RAB30: variants seen among roughly 807,000 people sequenced by gnomAD.
RAB30 encodes the protein ras-related protein Rab-30.
Under a neutral mutation model 25.1 loss-of-function variants are expected in RAB30, and 9 were observed. The observed-to-expected ratio is 0.36, with a 90% CI of 0.22 to 0.63. RAB30 has a LOEUF of 0.63. Ranked by LOEUF, RAB30 falls within the 20% of genes least tolerant of loss-of-function variation. The pLI is 0.69. For missense variants in RAB30, 140 were observed against 243.5 expected, an observed-to-expected ratio of 0.58 and a Z score of 2.83; for synonymous variants, 77 against 86.4, an observed-to-expected ratio of 0.89 and a Z score of 0.60.
chr11:83,021,928 A>T (rs969946768), intron 1 of RAB30, among the ~76,000 whole-genome samples: 1 of 152,234 alleles, frequency 6.6e-6, no homozygotes, highest in South Asian at 2.1e-4. Context: ...CTCCAACAAG[A>T]TGTTCTTGAA....
intron 2 of RAB30, among the ~76,000 whole-genome samples, chr11:82,995,217 T>C (rs1213090347): frequency 6.6e-6 from 1 of 152,272 alleles, no homozygotes; most frequent in Admixed American, 6.5e-5. Flanking sequence ...CAGATATCTT[T>C]AATTAAGAAT....
At chr11:82,998,564 A>AT (rs1857009859) in intron 1 of RAB30, among the ~76,000 whole-genome samples, 1 of 151,068 alleles carries the variant, frequency 6.6e-6, no homozygotes, top group Non-Finnish European at 1.5e-5. Context: ...AAAAAAAAAA[A>AT]CCAACCTTGA....
In RAB30 at chr11:82,982,156, C is replaced by G. The variant is rs371330565; in HGVS notation, c.*9G>C. 1.9e-6 allele frequency: 3 copies of G among 1,613,836 alleles called. No homozygotes were observed. In the Admixed American group the frequency reaches 5.0e-5, roughly 27 times the overall value. On this transcript the variant is annotated 3_prime_UTR_variant, in exon 5 of 5. Coordinates refer to ENST00000527633, the MANE Select transcript of RAB30 (RefSeq NM_001286060.2). ...TTGCTGATTCCTTTTCTTCTCCGTGCCTCAGCCTTTAGTTGAAATTACAAC... is the reference window on the plus strand; with the variant it reads ...TTGCTGATTCCTTTTCTTCTCCGTGGCTCAGCCTTTAGTTGAAATTACAAC...
At chr11:83,064,632 A>G (rs1442235542) in intron 1 of RAB30, among the ~76,000 whole-genome samples, 2 of 152,212 alleles carry the variant, frequency 1.3e-5, no homozygotes, top group Non-Finnish European at 2.9e-5. Flanking sequence ...ATCCCAGCCC[A>G]TAGGCTGATT....
In RAB30 at chr11:82,993,691, C is replaced by T. The variant is rs147712955; in HGVS notation, c.177+348G>A. Among the ~76,000 whole-genome samples the T allele has an allele frequency of 2.1e-3, 317 of 152,352 alleles. 1 individual carries two copies. The highest frequency in any genetic ancestry group is 7.2e-3 in the African/African-American group (299 of 41,582). On this transcript the variant is annotated intron_variant, in intron 3 of 4. Transcript: ENST00000527633. ...AATGAAATGTAGAAATCGGGAGGCT[C>T]TTTCATGGGGCTGCTGTTTAGAGGA...
intron 1 of RAB30, among the ~76,000 whole-genome samples, chr11:83,012,698 G>A (rs1272443072): frequency 6.6e-6 from 1 of 152,202 alleles, no homozygotes; most frequent in Admixed American, 6.5e-5. Flanking sequence ...GCCTGGCAAA[G>A]AGGAAGTGCT....
chr11:83,023,621 C>T (rs933150441), intron 1 of RAB30, among the ~76,000 whole-genome samples: 2 of 152,216 alleles, frequency 1.3e-5, no homozygotes, highest in African/African-American at 4.8e-5. Context: ...TCACTTCCAC[C>T]TTGGCTAATA....
At chr11:82,992,500 A>G in intron 3 of RAB30, 1 of 406,194 alleles carries the variant, frequency 2.5e-6, no homozygotes, top group East Asian at 7.3e-5. Context: ...AATGCTGAAG[A>G]GCATTATGGA....
intron 1 of RAB30, among the ~76,000 whole-genome samples, chr11:83,014,609 G>C (rs1857374565): frequency 6.9e-6 from 1 of 144,454 alleles, no homozygotes; most frequent in Non-Finnish European, 1.5e-5. Context: ...GAGGCAGAGA[G>C]AGACAAAGAA....
intron 1 of RAB30, among the ~76,000 whole-genome samples, chr11:83,000,775 C>T (rs986550250): frequency 3.9e-5 from 6 of 152,030 alleles, no homozygotes; most frequent in Non-Finnish European, 8.8e-5. Flanking sequence ...CTTTGTCGGC[C>T]GGGCGCGGTG....
Position 83,019,220 on chromosome 11 carries a change from T to A in RAB30, c.-8-21896A>T, listed in dbSNP as rs1857508797. Among the ~76,000 whole-genome samples, 3 of 151,918 alleles carry A rather than the reference T, an allele frequency of 2.0e-5. No homozygotes were observed. The South Asian group carries it at 6.2e-4, about 32-fold the overall frequency. The stretch of plus-strand genomic sequence containing the variant: ...TTTGTATTTTTAGTAGAGATGGGGG[T>A]TTTGCCCATTGGCCAGGCTGGTCTC... On this transcript the variant is annotated intron_variant, in intron 1 of 4. Transcript: ENST00000527633.
chr11:83,054,758 T>C (rs1430384667), intron 1 of RAB30, among the ~76,000 whole-genome samples: 2 of 151,810 alleles, frequency 1.3e-5, no homozygotes, highest in Non-Finnish European at 2.9e-5. Context: ...CCCCAGCTAC[T>C]CAGGAGGCTG....
chr11:83,013,428 C>T (rs1565276525), intron 1 of RAB30, among the ~76,000 whole-genome samples: 7 of 152,144 alleles, frequency 4.6e-5, no homozygotes. Flanking sequence ...CTGTTTCCTC[C>T]ACTAGGCCTT....
intron 1 of RAB30, among the ~76,000 whole-genome samples, chr11:83,055,526 T>G (rs928534817): frequency 2.0e-5 from 3 of 152,276 alleles, no homozygotes; most frequent in Non-Finnish European, 2.9e-5. Flanking sequence ...TACCCTGTCT[T>G]GGAAGCCATT....
intron 3 of RAB30, among the ~76,000 whole-genome samples, chr11:82,992,930 G>A (rs1346848091): frequency 6.6e-6 from 1 of 152,068 alleles, no homozygotes; most frequent in Admixed American, 6.5e-5. Flanking sequence ...ATCTTTTGAA[G>A]ACATGGAGTC....
chr11:83,016,240 G>C (rs1019471059), intron 1 of RAB30, among the ~76,000 whole-genome samples: 22 of 152,210 alleles, frequency 1.4e-4, no homozygotes, highest in Non-Finnish European at 2.8e-4. Flanking sequence ...CTGATGAAAT[G>C]AGAGAAAGAG....
intron 1 of RAB30, among the ~76,000 whole-genome samples, chr11:83,010,440 C>G (rs1463683757): frequency 1.3e-5 from 2 of 151,964 alleles, no homozygotes; most frequent in African/African-American, 4.8e-5. Flanking sequence ...GAAATCCTGT[C>G]TCTAAAAAAC....
chr11:82,992,423 G>T (rs1439913894), intron 3 of RAB30: 2 of 455,758 alleles, frequency 4.4e-6, no homozygotes, highest in Non-Finnish European at 8.8e-6. Flanking sequence ...GAGACACTGA[G>T]AGAGCTTCTG....
chr11:83,049,515 C>T (rs193013494), intron 1 of RAB30, among the ~76,000 whole-genome samples: 2,381 of 150,822 alleles, frequency 0.016, 30 homozygotes, highest in Non-Finnish European at 0.023. Context: ...GGGTCTCACT[C>T]TGTTGCCCAG....
Sources: gnomAD v4.1 joint callset for allele counts (sites outside exome capture counted in the v4.1 genomes callset) on GRCh38, gnomAD v4.1.1 for gene constraint, MANE v1.5 for transcripts, NCBI Gene and HGNC (gene_info 2026-07-23, HGNC 2026-07-21) for gene names.